ANKRD20A1: variants seen among roughly 807,000 people sequenced by gnomAD.
ANKRD20A1 encodes the protein ankyrin repeat domain 20 family member A1.
A neutral mutation model predicts 50.9 loss-of-function variants in ANKRD20A1; 2 were observed. The observed-to-expected ratio is 0.04, with a 90% confidence interval of 0.02 to 0.12. The LOEUF is 0.12. Ranked by LOEUF, ANKRD20A1 falls within the 10% of genes least tolerant of loss-of-function variation. The pLI is 1.00. For synonymous variants in ANKRD20A1, 10 were observed against 186.2 expected (o/e 0.05, Z 7.70); for missense variants, 31 against 548.1 (o/e 0.06, Z 9.42).
intron 8 of ANKRD20A1, among the ~76,000 whole-genome samples, chr9:67,881,548 C>T (rs1483443837): frequency 6.6e-6 from 1 of 152,130 alleles, no homozygotes; most frequent in Non-Finnish European, 1.5e-5. Flanking sequence ...CGGTAGATCA[C>T]CTGAGGTCAG....
rs1361030590 is a variant in ANKRD20A1 at position 67,900,447 on chromosome 9, G to T, written c.1498-46G>T. ...ATTCTTTAACTTCAGAGGTAATCATGATATTTTATTGAGTACTAGCTAAAA... is the reference window on the plus strand; with the variant it reads ...ATTCTTTAACTTCAGAGGTAATCATTATATTTTATTGAGTACTAGCTAAAA... On this transcript the variant is annotated intron_variant, in intron 14 of 14. Coordinates refer to ENST00000562196, the MANE Select transcript of ANKRD20A1 (RefSeq NM_032250.5). 15 of 910,872 alleles carry T rather than the reference G, an allele frequency of 1.6e-5. 5 individuals carry two copies. The highest frequency in any genetic ancestry group is 2.2e-5 in the Non-Finnish European group (15 of 687,002). The allele number at this position is 910,872 out of a possible 1,614,324, so 56.4% of individuals were successfully genotyped here. A position where few individuals can be genotyped will look rare whatever the true frequency, so the allele number is the denominator to read the frequency against.
At chr9:67,882,532 T>C (rs1289090733) in intron 8 of ANKRD20A1, among the ~76,000 whole-genome samples, 1 of 150,074 alleles carries the variant, frequency 6.7e-6, no homozygotes, top group Non-Finnish European at 1.5e-5. Context: ...TTTTCTAGTA[T>C]CATTCAACTG....
rs1284918097 is a variant in ANKRD20A1 at position 67,900,514 on chromosome 9, A to G, written c.1519A>G (p.Met507Val). The stretch of plus-strand genomic sequence containing the variant: ...TTAGGATTTTCATAATCATGAAGAA[A>G]TGAAAGGTCTGATGGATGAAAATTG... Reference protein sequence around the residue: ...PNWDFHNHEEMKGLMDENCIL... With the variant: ...PNWDFHNHEEVKGLMDENCIL... Residue 507 changes from methionine (M) to valine (V), a missense_variant, in exon 15 of 15, where the codon ATG becomes GTG. Met to Val is a conservative substitution (Grantham distance 21). Coordinates refer to ENST00000562196, the MANE Select transcript of ANKRD20A1 (RefSeq NM_032250.5). 41 of 959,708 alleles carry G rather than the reference A, an allele frequency of 4.3e-5. 13 individuals carry two copies. Among genetic ancestry groups the G allele is most frequent in the Non-Finnish European group, 5.2e-5 (38 of 725,394 alleles). 59.4% of individuals were successfully genotyped at this position (959,708 alleles called of 1,614,324 possible).
intron 8 of ANKRD20A1, among the ~76,000 whole-genome samples, chr9:67,881,745 A>G (rs1264303105): frequency 1.5e-4 from 22 of 151,376 alleles, no homozygotes; most frequent in Non-Finnish European, 2.7e-4. Flanking sequence ...CAGTGAGCCA[A>G]GATCGCACCA....
At chr9:67,873,054 T>TTTTG (rs1454183504) in intron 6 of ANKRD20A1, among the ~76,000 whole-genome samples, 2 of 112,650 alleles carry the variant, frequency 1.8e-5, no homozygotes, top group African/African-American at 3.2e-5. Context: ...TTTAAGGGAT[T>TTTTG]TTTGTTTGTT....
At chr9:67,881,184 C>G (rs1226970541) in intron 8 of ANKRD20A1, among the ~76,000 whole-genome samples, 2 of 148,822 alleles carry the variant, frequency 1.3e-5, no homozygotes, top group Non-Finnish European at 3.0e-5. Flanking sequence ...GAATTTGAGG[C>G]AGGAAGATTG....
chr9:67,869,173 G>A (rs372691763), intron 5 of ANKRD20A1, among the ~76,000 whole-genome samples: 306 of 9,912 alleles, frequency 0.031, 6 homozygotes, highest in East Asian at 0.2. Flanking sequence ...GGGGAAAAAA[G>A]GCCATTCTAA....
chr9:67,881,449 A>G (rs1827793698), intron 8 of ANKRD20A1, among the ~76,000 whole-genome samples: 1 of 150,590 alleles, frequency 6.6e-6, no homozygotes, highest in Admixed American at 6.7e-5. Context: ...CTTTATCATC[A>G]TAATTTTGTC....
chr9:67,866,043 G>A (rs1292961983), intron 3 of ANKRD20A1, among the ~76,000 whole-genome samples: 20 of 150,682 alleles, frequency 1.3e-4, no homozygotes, highest in Middle Eastern at 3.5e-3. Context: ...GATAATTTAT[G>A]AATATTGCAG....
chr9:67,882,565 G>C (rs1330833476), intron 8 of ANKRD20A1, among the ~76,000 whole-genome samples: 2 of 149,988 alleles, frequency 1.3e-5, no homozygotes, highest in African/African-American at 4.9e-5. Flanking sequence ...TGAGATTTTA[G>C]ATTAACATTT....
Position 67,872,471 on chromosome 9 carries a change from A to G in ANKRD20A1, c.793+1259A>G, listed in dbSNP as rs998155493. ...GTGGATAGCGCATCCTACTGTTTGG[A>G]TGCAATTCTTTTGACTTTTTGACTT... On this transcript the variant is annotated intron_variant, in intron 6 of 14. Transcript: ENST00000562196. 8.1e-5 allele frequency among the ~76,000 whole-genome samples: 9 copies of G among 110,838 alleles called. 1 individual carries two copies. The highest frequency in any genetic ancestry group is 2.7e-4 in the African/African-American group (9 of 32,798). The allele number at this position is 110,838 out of a possible 152,430, so 72.7% of individuals were successfully genotyped here.
At chr9:67,872,614 G>T (rs1413124547) in intron 6 of ANKRD20A1, among the ~76,000 whole-genome samples, 1 of 138,572 alleles carries the variant, frequency 7.2e-6, no homozygotes, top group Non-Finnish European at 1.6e-5. Context: ...GACTATAATA[G>T]TATATTCAAT....
intron 9 of ANKRD20A1, among the ~76,000 whole-genome samples, chr9:67,885,579 T>A (rs1455896539): frequency 1.3e-5 from 2 of 152,312 alleles, no homozygotes; most frequent in Non-Finnish European, 2.9e-5. Flanking sequence ...CGAGAAGTTA[T>A]TGCCTGATTA....
At chr9:67,889,350 A>T (rs1160940963) in intron 11 of ANKRD20A1, among the ~76,000 whole-genome samples, 1 of 86,378 alleles carries the variant, frequency 1.2e-5, no homozygotes, top group Non-Finnish European at 2.5e-5. Flanking sequence ...TTGAGGGAAG[A>T]TCATCTCAGT....
At chr9:67,891,030 T>C (rs1827939948) in intron 11 of ANKRD20A1, among the ~76,000 whole-genome samples, 1 of 85,932 alleles carries the variant, frequency 1.2e-5, no homozygotes. Flanking sequence ...GCGCGGTGGC[T>C]CGTGCCTGTA....
chr9:67,871,501 T>C (rs1827646371), intron 6 of ANKRD20A1, among the ~76,000 whole-genome samples: 1 of 138,068 alleles, frequency 7.2e-6, no homozygotes, highest in African/African-American at 2.7e-5. Flanking sequence ...CCTAAAATCC[T>C]ATATAATATT....
In ANKRD20A1 at chr9:67,859,140, T is replaced by C. The variant is rs1587593204; in HGVS notation, c.-287T>C. On this transcript the variant is annotated 5_prime_UTR_variant, in exon 1 of 15. Coordinates refer to ENST00000562196, the MANE Select transcript of ANKRD20A1 (RefSeq NM_032250.5). ...CGTCTTCTGGGAGCTCGGCAGCAAC[T>C]GCCGTGCAGGCGCGCGCCCAACGGC... The C allele has an allele frequency of 1.1e-5, 1 of 89,724 alleles. No homozygotes were observed. The allele number at this position is 89,724 out of a possible 1,614,324, so 5.6% of individuals were successfully genotyped here.
chr9:67,897,376 GATGATAAA>G (rs1564337438), intron 12 of ANKRD20A1, among the ~76,000 whole-genome samples, 175 bp from the exon 13 acceptor site: 2 of 128,544 alleles, frequency 1.6e-5, no homozygotes, highest in South Asian at 2.4e-4. Flanking sequence ...CAAAAATTTC[GATGATAAA>G]ATAAGAGTAT....
chr9:67,883,038 G>A, intron 8 of ANKRD20A1, among the ~76,000 whole-genome samples: 1 of 151,200 alleles, frequency 6.6e-6, no homozygotes, highest in Non-Finnish European at 1.5e-5. Context: ...GTCTGTCATT[G>A]ATGGACATTT....
Sources: gnomAD v4.1 joint callset for allele counts (sites outside exome capture counted in the v4.1 genomes callset) on GRCh38, gnomAD v4.1.1 for gene constraint, MANE v1.5 for transcripts, NCBI Gene and HGNC (gene_info 2026-07-23, HGNC 2026-07-21) for gene names.